Variants in NELL1 observed in about 807,000 individuals in gnomAD.
The protein encoded by NELL1 is protein kinase C-binding protein NELL1.
In NELL1, 76 loss-of-function variants were observed where a neutral mutation model predicts 107.4. The observed-to-expected ratio is 0.71, with a 90% CI of 0.59 to 0.86. The LOEUF (loss-of-function observed/expected upper bound fraction) is 0.86. Ranked by LOEUF, NELL1 falls within the 40% of genes least tolerant of loss-of-function variation. NELL1 has a pLI of 0.00. For missense variants in NELL1, 1,024 were observed against 1,005.5 expected (o/e 1.02, Z -0.25); for synonymous variants, 353 against 341.2 (o/e 1.03, Z -0.38).
chr11:21,220,843 A>T (rs1350636678), intron 13 of NELL1, among the ~76,000 whole-genome samples: 3 of 152,038 alleles, frequency 2.0e-5, no homozygotes, highest in African/African-American at 7.2e-5. Context: ...CTTTTTTCCT[A>T]TGTGGATTCC....
Position 21,197,543 on chromosome 11 carries a change from T to C in NELL1, c.1427-31789T>C, listed in dbSNP as rs114162470. ...AGAATTTGGTGACAGCTTTTGACAGTGCTATCAACAGATGCATTGAAGTTC... is the reference window on the plus strand; with the variant it reads ...AGAATTTGGTGACAGCTTTTGACAGCGCTATCAACAGATGCATTGAAGTTC... On this transcript the variant is annotated intron_variant, in intron 13 of 19. Transcript: ENST00000357134. 7.3e-3 allele frequency among the ~76,000 whole-genome samples: 1,117 copies of C among 152,204 alleles called. 9 individuals are homozygous for C. The highest frequency in any genetic ancestry group is 0.023 in the African/African-American group (965 of 41,530).
intron 15 of NELL1, 138 bp downstream of exon 15, chr11:21,371,086 C>T: frequency 1.6e-6 from 1 of 633,036 alleles, no homozygotes; most frequent in Non-Finnish European, 2.6e-6. Context: ...ATGGAGCTCT[C>T]CCAAAGTGGG....
At chr11:21,516,379 C>A (rs1427562204) in intron 15 of NELL1, among the ~76,000 whole-genome samples, 1 of 152,084 alleles carries the variant, frequency 6.6e-6, no homozygotes, top group Non-Finnish European at 1.5e-5. Flanking sequence ...TGCCTGTACA[C>A]GTGTGTGTAT....
intron 13 of NELL1, among the ~76,000 whole-genome samples, chr11:21,140,990 C>G (rs1397024772): frequency 6.6e-6 from 1 of 151,956 alleles, no homozygotes; most frequent in Non-Finnish European, 1.5e-5. Flanking sequence ...TTTTATAGAC[C>G]CTGCAAAGTA....
At chr11:20,904,602 G>A (rs1273471536) in intron 5 of NELL1, among the ~76,000 whole-genome samples, 1 of 152,096 alleles carries the variant, frequency 6.6e-6, no homozygotes, top group African/African-American at 2.4e-5. Flanking sequence ...AAAGCCATAT[G>A]CATGCCTAGG....
intron 1 of NELL1, among the ~76,000 whole-genome samples, chr11:20,672,534 C>T (rs914544274): frequency 6.6e-6 from 1 of 152,192 alleles, no homozygotes; most frequent in Non-Finnish European, 1.5e-5. Context: ...TTTTAGAGTG[C>T]AAAGTGGAGT....
intron 2 of NELL1, among the ~76,000 whole-genome samples, chr11:20,701,789 T>C (rs1284778668): frequency 1.3e-5 from 2 of 152,160 alleles, no homozygotes; most frequent in Admixed American, 1.3e-4. Context: ...TGCTTGTTTT[T>C]GTCAGGTTTG....
intron 15 of NELL1, among the ~76,000 whole-genome samples, chr11:21,449,738 A>G (rs1468305286): frequency 6.6e-6 from 1 of 152,236 alleles, no homozygotes; most frequent in African/African-American, 2.4e-5. Flanking sequence ...GGGGAAAGAT[A>G]TAGATCAAAG....
intron 7 of NELL1, among the ~76,000 whole-genome samples, chr11:20,920,350 G>A (rs1227849780): frequency 8.5e-5 from 13 of 152,236 alleles, no homozygotes; most frequent in African/African-American, 3.1e-4. Context: ...GTGTTTGCAA[G>A]ATAAGGCTAT....
chr11:20,860,215 C>A (rs1848954373), intron 4 of NELL1, among the ~76,000 whole-genome samples: 1 of 152,116 alleles, frequency 6.6e-6, no homozygotes, highest in African/African-American at 2.4e-5. Flanking sequence ...TACACTTTTA[C>A]CATAAAATAG....
rs369016970 is a variant in NELL1, at chr11:21,342,642, T to TA, written c.1550-28195dup. On this transcript the variant is annotated intron_variant, in intron 14 of 19. Coordinates refer to ENST00000357134, the MANE Select transcript of NELL1 (RefSeq NM_006157.5). ...CTGGATGACAGAGAGAGACTGTCTT[T>TA]AAAAAAAAAAAAAAAAGAAAAAGAA... is the stretch of plus-strand genomic sequence containing the variant. Among the ~76,000 whole-genome samples the TA allele has an allele frequency of 9.6e-3, 1,155 of 120,690 alleles. 13 individuals are homozygous for TA. The highest frequency in any genetic ancestry group is 0.032 in the African/African-American group (963 of 30,490). The allele number at this position is 120,690 out of a possible 152,430, so 79.2% of individuals were successfully genotyped here.
At chr11:21,542,128 C>T (rs1296835101) in intron 16 of NELL1, among the ~76,000 whole-genome samples, 1 of 152,050 alleles carries the variant, frequency 6.6e-6, no homozygotes, top group Non-Finnish European at 1.5e-5. Context: ...CAGGAAATTT[C>T]ATGTATTTTC....
At chr11:21,470,485 A>C (rs1854148838) in intron 15 of NELL1, among the ~76,000 whole-genome samples, 1 of 152,092 alleles carries the variant, frequency 6.6e-6, no homozygotes, top group Non-Finnish European at 1.5e-5. Context: ...TGATATGTAC[A>C]TGTTCCCCTG....
At position 21,236,692 on chromosome 11, in the gene NELL1, TA is replaced by T. The variant is rs1435336659; in HGVS notation, c.1549+7240del. Reference sequence around the variant, plus strand: ...GGCTAAGTCTAGCTTCCTTTTTGCATAATGTCTGTTTGAAAATCTTCTTTAT... The same window carrying T: ...GGCTAAGTCTAGCTTCCTTTTTGCATATGTCTGTTTGAAAATCTTCTTTAT... On this transcript the variant is annotated intron_variant, in intron 14 of 19. Coordinates refer to ENST00000357134, the MANE Select transcript of NELL1 (RefSeq NM_006157.5). 5.9e-5 allele frequency among the ~76,000 whole-genome samples: 9 copies of T among 152,288 alleles called. No homozygotes were observed. The East Asian group carries it at 1.5e-3, about 26-fold the overall frequency.
At chr11:21,208,343 A>C (rs1278346292) in intron 13 of NELL1, among the ~76,000 whole-genome samples, 1 of 151,794 alleles carries the variant, frequency 6.6e-6, no homozygotes, top group Non-Finnish European at 1.5e-5. Context: ...CTTCAACACT[A>C]GTGTAAATTA....
At chr11:21,317,853 A>C (rs960552892) in intron 14 of NELL1, among the ~76,000 whole-genome samples, 2 of 152,182 alleles carry the variant, frequency 1.3e-5, no homozygotes, top group African/African-American at 4.8e-5. Context: ...AAAAGATTAG[A>C]TCATTTGATT....
chr11:21,281,184 A>G (rs1231499609), intron 14 of NELL1, among the ~76,000 whole-genome samples: 1 of 151,776 alleles, frequency 6.6e-6, no homozygotes, highest in East Asian at 2.0e-4. Flanking sequence ...CAGCTCCTGA[A>G]CATCATTTCT....
intron 12 of NELL1, among the ~76,000 whole-genome samples, chr11:20,988,001 T>C (rs1047918623): frequency 1.6e-4 from 25 of 152,344 alleles, no homozygotes; most frequent in African/African-American, 5.5e-4. Flanking sequence ...GATTTTCCTG[T>C]GTTTACAACA....
chr11:21,164,093 G>A (rs118118452), intron 13 of NELL1, among the ~76,000 whole-genome samples: 144 of 152,244 alleles, frequency 9.5e-4, no homozygotes, highest in Non-Finnish European at 1.5e-3. Context: ...AAACCTGTGC[G>A]CACCTTGATC....
Sources: gnomAD v4.1 joint callset for allele counts (sites outside exome capture counted in the v4.1 genomes callset) on GRCh38, gnomAD v4.1.1 for gene constraint, MANE v1.5 for transcripts, NCBI Gene and HGNC (gene_info 2026-07-23, HGNC 2026-07-21) for gene names.